The following GPC5 variants were observed in gnomAD, a reference collection of about 807,000 sequenced individuals.
The protein encoded by GPC5 is glypican-5.
In GPC5, 47 loss-of-function variants were observed where a neutral mutation model predicts 53.9. That is an observed-to-expected ratio of 0.87 (90% CI 0.69 to 1.11). GPC5 has a LOEUF of 1.11. Ranked by LOEUF, GPC5 falls within the 50% of genes most tolerant of loss-of-function variation. The probability of loss-of-function intolerance (pLI) is 0.00; values close to 1 mark genes in which losing one functional copy is unlikely to be tolerated. For synonymous variants in GPC5, 286 were observed against 263.3 expected (o/e 1.09, Z -0.84); for missense variants, 748 against 713.1 (o/e 1.05, Z -0.56).
In GPC5 at chr13:92,156,197, A is replaced by AT. The variant is rs34204710; in HGVS notation, c.1561+11216dup. Reference sequence around the variant, plus strand: ...AACTTTCTGTTATTCTTATCTCACTATTTTTTTTCCACTTTCAGCAGTTAC... The same window carrying AT: ...AACTTTCTGTTATTCTTATCTCACTATTTTTTTTTCCACTTTCAGCAGTTAC... On this transcript the variant is annotated intron_variant, in intron 7 of 7. Coordinates refer to ENST00000377067, the MANE Select transcript of GPC5 (RefSeq NM_004466.6). 2.8e-3 allele frequency among the ~76,000 whole-genome samples: 428 copies of AT among 151,610 alleles called. 3 individuals carry two copies. The highest frequency in any genetic ancestry group is 9.6e-3 in the African/African-American group (398 of 41,324).
Position 91,693,696 on chromosome 13 carries a change from C to T in GPC5, c.835C>T (p.Arg279Ter), listed in dbSNP as rs184809659. The T allele has an allele frequency of 3.7e-6, 6 of 1,614,130 alleles. No homozygotes were observed. Among genetic ancestry groups the T allele is most frequent in the East Asian group, 2.2e-5 (1 of 44,868 alleles). ...PCMGYCLNVM[R>*]GCLAHMAELN... Reference sequence around the variant, plus strand: ...TATGGGATACTGCCTCAATGTCATGCGAGGCTGCCTGGCGCACATGGCGGA... The same window carrying T: ...TATGGGATACTGCCTCAATGTCATGTGAGGCTGCCTGGCGCACATGGCGGA... Residue 279 changes from arginine to a stop codon, truncating the protein, a stop_gained, in exon 3 of 8, where the codon CGA (arginine) becomes TGA (stop). Coordinates refer to ENST00000377067, the MANE Select transcript of GPC5 (RefSeq NM_004466.6). LOFTEE classifies it high-confidence loss of function.
In GPC5 at chr13:92,166,950, TCTCTCTCACACACA is replaced by T. The variant is rs1219080394; in HGVS notation, c.1561+21963_1561+21976del. ...CTCTCTCTCTCTCTCTCTCTCTCTC[TCTCTCTCACACACA>T]CACACACACACACACACACACACAC... On this transcript the variant is annotated intron_variant, in intron 7 of 7. Transcript: ENST00000377067. 8.5e-3 allele frequency among the ~76,000 whole-genome samples: 490 copies of T among 57,554 alleles called. 6 individuals carry two copies. The highest frequency in any genetic ancestry group is 0.028 in the African/African-American group (473 of 17,012). The allele number at this position is 57,554 out of a possible 152,430, so 37.8% of individuals were successfully genotyped here. A position where few individuals can be genotyped will look rare whatever the true frequency, so the allele number is the denominator to read the frequency against.
At chr13:92,557,860 C>T (rs1383029737) in intron 7 of GPC5, among the ~76,000 whole-genome samples, 1 of 151,948 alleles carries the variant, frequency 6.6e-6, no homozygotes, top group Non-Finnish European at 1.5e-5. Context: ...TGCTTGTTTG[C>T]TCTCAGAGAG....
chr13:92,341,435 AG>A (rs2043365834), intron 7 of GPC5, among the ~76,000 whole-genome samples: 1 of 152,148 alleles, frequency 6.6e-6, no homozygotes, highest in Non-Finnish European at 1.5e-5. Flanking sequence ...AGATTATAGA[AG>A]ACAATATCAT....
At chr13:92,216,249 C>T (rs757923080) in intron 7 of GPC5, among the ~76,000 whole-genome samples, 11 of 152,134 alleles carry the variant, frequency 7.2e-5, no homozygotes, top group African/African-American at 2.4e-4. Context: ...ATAGAGTAAT[C>T]GTTGTTGAAC....
intron 7 of GPC5, among the ~76,000 whole-genome samples, chr13:92,747,298 T>C (rs1889263141): frequency 6.6e-6 from 1 of 152,188 alleles, no homozygotes; most frequent in Non-Finnish European, 1.5e-5. Flanking sequence ...TAAAGCATTG[T>C]CATTGCTTAA....
At chr13:91,474,050 G>C (rs1207026337) in intron 2 of GPC5, among the ~76,000 whole-genome samples, 2 of 152,118 alleles carry the variant, frequency 1.3e-5, no homozygotes, top group Non-Finnish European at 2.9e-5. Context: ...AGTGTAGGTT[G>C]TGAAGACATC....
chr13:92,378,445 T>C (rs568202606), intron 7 of GPC5, among the ~76,000 whole-genome samples: 2 of 152,286 alleles, frequency 1.3e-5, no homozygotes, highest in Middle Eastern at 6.8e-3. Context: ...ACAAATACAC[T>C]TTTTAAACAA....
chr13:92,795,134 G>GTA (rs1331527829), intron 7 of GPC5, among the ~76,000 whole-genome samples: 1 of 151,800 alleles, frequency 6.6e-6, no homozygotes, highest in Admixed American at 6.6e-5. Flanking sequence ...ACTTCAAACT[G>GTA]TACTACGAGA....
chr13:91,794,195 A>G (rs898741462), intron 5 of GPC5, among the ~76,000 whole-genome samples: 2 of 152,092 alleles, frequency 1.3e-5, no homozygotes, highest in Non-Finnish European at 2.9e-5. Flanking sequence ...TCTATTCAAG[A>G]CTTATTTAAT....
chr13:92,796,350 C>A (rs891514424), intron 7 of GPC5, among the ~76,000 whole-genome samples: 1 of 151,838 alleles, frequency 6.6e-6, no homozygotes, highest in Admixed American at 6.6e-5. Flanking sequence ...CATCACACAC[C>A]GGGGCCTTTC....
chr13:92,135,169 G>A (rs1594776852), intron 6 of GPC5, among the ~76,000 whole-genome samples: 2 of 152,008 alleles, frequency 1.3e-5, no homozygotes, highest in East Asian at 1.9e-4. Flanking sequence ...TAACATGGAT[G>A]TTTTGATAGA....
intron 6 of GPC5, among the ~76,000 whole-genome samples, chr13:91,979,928 C>CG (rs1397151272): frequency 2.0e-5 from 3 of 152,204 alleles, no homozygotes; most frequent in African/African-American, 7.2e-5. Flanking sequence ...AGTCACTTAA[C>CG]ACAACACTTT....
At chr13:91,740,322 T>C (rs2036904191) in intron 4 of GPC5, among the ~76,000 whole-genome samples, 1 of 152,152 alleles carries the variant, frequency 6.6e-6, no homozygotes, top group South Asian at 2.1e-4. Flanking sequence ...TTCCTAACCA[T>C]TTTTTTCTCC....
At chr13:91,562,938 G>A (rs1283019988) in intron 2 of GPC5, among the ~76,000 whole-genome samples, 2 of 151,918 alleles carry the variant, frequency 1.3e-5, no homozygotes, top group African/African-American at 4.8e-5. Flanking sequence ...TTAGAAATAT[G>A]TATAATTGTG....
intron 7 of GPC5, among the ~76,000 whole-genome samples, chr13:92,467,174 C>T (rs540323860): frequency 1.3e-5 from 2 of 152,150 alleles, no homozygotes; most frequent in Admixed American, 6.6e-5. Flanking sequence ...CATCATAAGA[C>T]TGCTTAGAGA....
At chr13:91,421,277 C>A (rs1426932751) in intron 1 of GPC5, among the ~76,000 whole-genome samples, 1 of 152,126 alleles carries the variant, frequency 6.6e-6, no homozygotes, top group Non-Finnish European at 1.5e-5. Context: ...TAAAGAACTC[C>A]TCACAGTTAT....
In GPC5 at chr13:91,813,936, T is replaced by G. The variant is rs1439013008; in HGVS notation, c.1280+57516T>G. 6.1e-4 allele frequency among the ~76,000 whole-genome samples: 81 copies of G among 133,626 alleles called. 1 individual carries two copies. In the East Asian group the frequency reaches 0.016, roughly 27 times the overall value. 87.7% of individuals were successfully genotyped at this position (133,626 alleles called of 152,430 possible). ...TCTTAACTGATTTTTTTTTTTTTTT[T>G]TTTTTTTTTTTTTTGAGACAGAGTA... is the stretch of plus-strand genomic sequence containing the variant. On this transcript the variant is annotated intron_variant, in intron 5 of 7. Coordinates refer to ENST00000377067, the MANE Select transcript of GPC5 (RefSeq NM_004466.6).
At chr13:91,404,966 C>A (rs1877210288) in intron 1 of GPC5, among the ~76,000 whole-genome samples, 1 of 152,116 alleles carries the variant, frequency 6.6e-6, no homozygotes, top group South Asian at 2.1e-4. Context: ...ATCTTTATTT[C>A]CCATTTCCCA....
Sources: gnomAD v4.1 joint callset for allele counts (sites outside exome capture counted in the v4.1 genomes callset) on GRCh38, gnomAD v4.1.1 for gene constraint, MANE v1.5 for transcripts, NCBI Gene and HGNC (gene_info 2026-07-23, HGNC 2026-07-21) for gene names.